Variants in MOV10 observed in about 807,000 individuals in gnomAD.
MOV10 encodes the protein RNA helicase MOV-10.
A neutral mutation model predicts 108.4 loss-of-function variants in MOV10; 39 were observed. The observed-to-expected ratio is 0.36, with a 90% confidence interval of 0.28 to 0.47. The LOEUF is 0.47. MOV10 is among the 20% of genes least tolerant of loss of function. The probability of loss-of-function intolerance (pLI) is 1.00; values close to 1 mark genes in which losing one functional copy is unlikely to be tolerated. For synonymous variants in MOV10, 490 were observed against 523.1 expected (o/e 0.94, Z 0.86); for missense variants, 952 against 1,297.6 (o/e 0.73, Z 4.09).
At chr1:112,693,952 C>T in intron 7 of MOV10, 66 bp from the exon 8 acceptor site, 1 of 1,524,880 alleles carries the variant, frequency 6.6e-7, no homozygotes, top group African/African-American at 1.4e-5. Flanking sequence ...GTCTGGGGAA[C>T]CTGGGGGCTG....
In MOV10 at chr1:112,689,445, G is replaced by C. The variant is rs751532442; in HGVS notation, c.372G>C (p.Val124=). The change falls in exon 4 of 21, where the codon GTG becomes GTC. Residue 124 remains valine, a synonymous_variant. Transcript: ENST00000369645. ...RAEYLHGKHG[V]DVEVQGPHEA... is the part of the protein sequence containing the mutation. ...AGTATCTTCATGGGAAACATGGTGT[G>C]GATGTGGAAGTCCAGGGGCCCCATG... 1.2e-6 allele frequency: 2 copies of C among 1,613,248 alleles called. No individual in the cohort carries two copies. The highest frequency in any genetic ancestry group is 3.3e-5 in the Admixed American group (2 of 59,976).
intron 6 of MOV10, among the ~76,000 whole-genome samples, chr1:112,692,309 A>G (rs1013771994): frequency 6.6e-6 from 1 of 152,182 alleles, no homozygotes; most frequent in Non-Finnish European, 1.5e-5. Context: ...GCACTCCAGC[A>G]TGGGTGACAG....
chr1:112,696,174 G>A lies in MOV10; in HGVS notation c.1806G>A (p.Lys602=), dbSNP rs1369985985. ...CCTGCTGCAACTGGGACGCAAAGAA[G>A]GGGGAGTATGTATTTCCCGCCAAGA... ...IKPCCNWDAK[K]GEYVFPAKKK... The change falls in exon 12 of 21, where the codon AAG becomes AAA. Residue 602 remains lysine, a synonymous_variant. Coordinates refer to ENST00000369645, the MANE Select transcript of MOV10 (RefSeq NM_001321324.2). 1.2e-6 allele frequency: 2 copies of A among 1,613,784 alleles called. No homozygotes were observed. The highest frequency in any genetic ancestry group is 1.7e-5 in the Admixed American group (1 of 59,990).
intron 2 of MOV10, among the ~76,000 whole-genome samples, chr1:112,680,772 A>G (rs1190188295): frequency 3.0e-5 from 4 of 134,926 alleles, no homozygotes; most frequent in African/African-American, 1.1e-4. Flanking sequence ...GCACGATCTC[A>G]GCACACTGCA....
chr1:112,698,808 G>GAC lies in MOV10; in HGVS notation c.2583+19_2583+20insAC. On this transcript the variant is annotated intron_variant, in intron 17 of 20. Transcript: ENST00000369645. ...CTTGAAGGTGACATGCTGTTCCACA[G>GAC]TCACTCCCTGCCTTCCGTGTGCCCC... 6.2e-7 allele frequency: 1 copy of GAC among 1,606,340 alleles called. No homozygotes were observed. The highest frequency in any genetic ancestry group is 8.5e-7 in the Non-Finnish European group (1 of 1,172,892).
intron 2 of MOV10, among the ~76,000 whole-genome samples, chr1:112,684,652 C>T (rs1379442254): frequency 1.3e-5 from 2 of 152,180 alleles, no homozygotes; most frequent in East Asian, 3.8e-4. Context: ...CAATACTTGA[C>T]TCTTCTACCA....
chr1:112,682,365 A>G (rs1036160223), intron 2 of MOV10, among the ~76,000 whole-genome samples: 2 of 152,116 alleles, frequency 1.3e-5, no homozygotes, highest in Admixed American at 1.3e-4. Context: ...CTGGGACCAT[A>G]GGCGTGTGCC....
chr1:112,693,687 TAA>T (rs1557765440), intron 7 of MOV10: 41 of 137,918 alleles, frequency 3.0e-4, no homozygotes, highest in South Asian at 4.5e-4. Flanking sequence ...TTTTTTTTTT[TAA>T]TTATTTTTTT....
intron 2 of MOV10, among the ~76,000 whole-genome samples, chr1:112,683,617 G>A (rs1236822325): frequency 6.6e-6 from 1 of 152,160 alleles, no homozygotes; most frequent in African/African-American, 2.4e-5. Flanking sequence ...AGGATTACAG[G>A]CATGATCCGC....
At chr1:112,688,166 C>T (rs376359384) in intron 2 of MOV10, among the ~76,000 whole-genome samples, 1 of 152,074 alleles carries the variant, frequency 6.6e-6, no homozygotes, top group Admixed American at 6.5e-5. Context: ...TCGAGGCAAG[C>T]GCTGAGTTTC....
chr1:112,682,747 C>T (rs1031949673), intron 2 of MOV10, among the ~76,000 whole-genome samples: 15 of 152,270 alleles, frequency 9.9e-5, no homozygotes, highest in Middle Eastern at 3.4e-3. Context: ...TGTAAGGCAA[C>T]TTTCACTTAG....
intron 17 of MOV10, 109 bp downstream of exon 17, chr1:112,698,898 G>A: frequency 1.1e-6 from 1 of 927,864 alleles, no homozygotes; most frequent in Non-Finnish European, 1.8e-6. Flanking sequence ...TCCCACCCCT[G>A]CTGCCTTGAA....
chr1:112,694,197 T>G lies in MOV10; in HGVS notation c.1295+25T>G. ...GGTGGGTGTTGGGGGAACCCTGAGC[T>G]GCTGGAAGGGTCTACAGACTTCTGA... On this transcript the variant is annotated intron_variant, in intron 8 of 20. Coordinates refer to ENST00000369645, the MANE Select transcript of MOV10 (RefSeq NM_001321324.2). The surrounding 1 kb of genome is among the most constrained non-coding windows in gnomAD (Gnocchi z 4.1). 6.2e-7 allele frequency: 1 copy of G among 1,613,738 alleles called. No individual in the cohort carries two copies.
intron 14 of MOV10, chr1:112,697,774 G>GT (rs1674243057): frequency 1.7e-6 from 1 of 571,788 alleles, no homozygotes; most frequent in African/African-American, 1.9e-5. Flanking sequence ...TCATGGGTCT[G>GT]TGGAGTCCCT....
intron 2 of MOV10, among the ~76,000 whole-genome samples, chr1:112,686,307 G>T (rs372875402): frequency 2.6e-5 from 4 of 152,180 alleles, no homozygotes; most frequent in African/African-American, 7.2e-5. Flanking sequence ...CTTGTGCCTC[G>T]ATCCATGGGA....
At chr1:112,693,666 G>GTT (rs56664526) in intron 7 of MOV10, 12 of 137,168 alleles carry the variant, frequency 8.7e-5, no homozygotes, top group East Asian at 2.1e-4. Flanking sequence ...TGCCTGGTCC[G>GTT]TTTTTTTTTT....
chr1:112,685,973 A>AT (rs1169352699), intron 2 of MOV10, among the ~76,000 whole-genome samples: 1 of 152,094 alleles, frequency 6.6e-6, no homozygotes, highest in Non-Finnish European at 1.5e-5. Flanking sequence ...TAAAATTTTG[A>AT]TTTTGTCTTT....
intron 11 of MOV10, 25 bp downstream of exon 11, chr1:112,695,599 A>C: frequency 6.2e-7 from 1 of 1,608,286 alleles, no homozygotes; most frequent in Non-Finnish European, 8.5e-7. Flanking sequence ...CAGAGGGCCA[A>C]AGAATGGCAA....
chr1:112,689,803 G>T (rs376015380), intron 4 of MOV10, 37 bp from the exon 5 acceptor site: 234 of 1,603,424 alleles, frequency 1.5e-4, no homozygotes, highest in Non-Finnish European at 2.0e-4. Flanking sequence ...TGGGTGGGAG[G>T]GTCCCTACCC....
Sources: gnomAD v4.1 joint callset for allele counts (sites outside exome capture counted in the v4.1 genomes callset) on GRCh38, gnomAD v4.1.1 for gene constraint, Gnocchi (gnomAD v3.1) non-coding constraint, MANE v1.5 for transcripts, NCBI Gene and HGNC (gene_info 2026-07-23, HGNC 2026-07-21) for gene names.